RAMACL: variants seen among roughly 807,000 people sequenced by gnomAD.
RAMACL encodes RNA guanine-7 methyltransferase activating subunit like.
In RAMACL, 9 loss-of-function variants were observed where a neutral mutation model predicts 13.4. That is an observed-to-expected ratio of 0.67 (90% CI 0.41 to 1.17). The LOEUF is 1.17. Among genes scored for constraint, RAMACL ranks in the 50% most tolerant of loss-of-function variants. RAMACL has a pLI of 0.01. For synonymous variants in RAMACL, 39 were observed against 49.3 expected, an observed-to-expected ratio of 0.79 and a Z score of 0.88; for missense variants, 124 against 141.6, an observed-to-expected ratio of 0.88 and a Z score of 0.63.
downstream of RAMACL, among the ~76,000 whole-genome samples, chr6:166,585,069 G>C (rs1408581882): frequency 6.9e-6 from 1 of 145,316 alleles, no homozygotes; most frequent in African/African-American, 2.9e-5. Context: ...GAGCACACGT[G>C]TGGTGACGAT....
chr6:166,583,014 C>G (rs537990225), downstream of RAMACL, among the ~76,000 whole-genome samples: 9 of 152,166 alleles, frequency 5.9e-5, no homozygotes, highest in Non-Finnish European at 1.2e-4. Context: ...TTGACTTGGT[C>G]GTTGACTGCT....
At chr6:166,584,772 G>C (rs1785117628), downstream of RAMACL, among the ~76,000 whole-genome samples, 1 of 152,234 alleles carries the variant, frequency 6.6e-6, no homozygotes, top group African/African-American at 2.4e-5. Flanking sequence ...GAGGAGCTGT[G>C]AGCTCAGAAA....
downstream of RAMACL, among the ~76,000 whole-genome samples, chr6:166,584,583 G>T (rs1485627535): frequency 6.6e-6 from 1 of 152,148 alleles, no homozygotes; most frequent in South Asian, 2.1e-4. Flanking sequence ...AAAAATGCCT[G>T]GGCATTCTGG....
At chr6:166,584,870 G>A (rs1785119955), downstream of RAMACL, among the ~76,000 whole-genome samples, 1 of 152,204 alleles carries the variant, frequency 6.6e-6, no homozygotes, top group Admixed American at 6.5e-5. Flanking sequence ...GAAACATTTG[G>A]TGGAACTCAG....
At position 166,586,530 on chromosome 6, in the gene RAMACL, T is replaced by A; in HGVS notation, c.-53A>T. 3 of 1,537,146 alleles carry A rather than the reference T, an allele frequency of 2.0e-6. No homozygotes were observed. The South Asian group carries it at 3.5e-5, about 18-fold the overall frequency. On this transcript the variant is annotated 5_prime_UTR_variant, in exon 1 of 1. Coordinates refer to ENST00000444122, the Ensembl canonical transcript of RAMACL. ...CTGTATTGCTTAATGTTTAGGTTGT[T>A]TAAATCCGCCAAGGGCTATGTCTAT...
chr6:166,586,398 T>C (rs1401740008), exon 1 of RAMACL: 10 of 1,600,088 alleles, frequency 6.2e-6, no homozygotes, highest in Non-Finnish European at 8.5e-6. Flanking sequence ...CAGGTATTCC[T>C]GATACTCCTT....
chr6:166,584,052 T>C (rs763190159), downstream of RAMACL, among the ~76,000 whole-genome samples: 19 of 152,230 alleles, frequency 1.2e-4, no homozygotes, highest in Non-Finnish European at 2.1e-4. Flanking sequence ...AATGCCTTGG[T>C]GTGTTTTGCT....
exon 1 of RAMACL, chr6:166,586,099 C>T (rs13204493): frequency 1.5e-6 from 2 of 1,313,180 alleles, no homozygotes; most frequent in Non-Finnish European, 1.0e-6. Flanking sequence ...AATGCTTTTA[C>T]TAAAAGCTGC....
chr6:166,585,167 G>A, downstream of RAMACL, among the ~76,000 whole-genome samples: 1 of 152,196 alleles, frequency 6.6e-6, no homozygotes, highest in Non-Finnish European at 1.5e-5. Context: ...AGAATGCCCT[G>A]AAATACATGA....
downstream of RAMACL, among the ~76,000 whole-genome samples, chr6:166,585,519 T>TC (rs398003318): frequency 2.4e-5 from 3 of 124,838 alleles, no homozygotes; most frequent in Admixed American, 7.4e-5. Context: ...TTTTTTTTTT[T>TC]CCTTATTTTA....
chr6:166,585,593 T>C (rs1239804119), downstream of RAMACL, among the ~76,000 whole-genome samples: 2 of 91,538 alleles, frequency 2.2e-5, no homozygotes, highest in Non-Finnish European at 3.7e-5. Flanking sequence ...ATCTATAGAT[T>C]AAGGAATCAC....
chr6:166,586,512 G>C, exon 1 of RAMACL: 1 of 1,574,974 alleles, frequency 6.3e-7, no homozygotes, highest in South Asian at 1.1e-5. Flanking sequence ...CAGCTGTATT[G>C]CTTAATGTTT....
chr6:166,584,683 T>C (rs1020761490), downstream of RAMACL, among the ~76,000 whole-genome samples: 1 of 152,222 alleles, frequency 6.6e-6, no homozygotes, highest in African/African-American at 2.4e-5. Flanking sequence ...TTGCACTTTA[T>C]TTTATAGTAA....
chr6:166,586,572 C>T (rs572089533), exon 1 of RAMACL: 1 of 1,221,488 alleles, frequency 8.2e-7, no homozygotes, highest in South Asian at 1.4e-5. Context: ...CAGGCCGAAC[C>T]CCGCCGGCGA....
downstream of RAMACL, among the ~76,000 whole-genome samples, chr6:166,583,181 A>C (rs556285916): frequency 3.9e-5 from 6 of 152,236 alleles, no homozygotes; most frequent in Non-Finnish European, 8.8e-5. Context: ...TCCTAGAAAC[A>C]ACCAAATTGC....
At chr6:166,585,022 C>T (rs889535189), downstream of RAMACL, among the ~76,000 whole-genome samples, 3 of 152,204 alleles carry the variant, frequency 2.0e-5, no homozygotes, top group East Asian at 1.9e-4. Context: ...TGAGAAAACC[C>T]GAGAGCTTCT....
chr6:166,586,424 T>C, exon 1 of RAMACL: 7 of 1,599,998 alleles, frequency 4.4e-6, no homozygotes, highest in Non-Finnish European at 5.9e-6. Context: ...TTTCTGTGAA[T>C]CTACTAGCAA....
downstream of RAMACL, among the ~76,000 whole-genome samples, chr6:166,585,342 T>C (rs988345797): frequency 6.6e-6 from 1 of 152,250 alleles, no homozygotes; most frequent in African/African-American, 2.4e-5. Flanking sequence ...CGAGGATTGC[T>C]GACATGTCTG....
exon 1 of RAMACL, chr6:166,586,300 C>A: frequency 1.3e-6 from 2 of 1,598,818 alleles, no homozygotes; most frequent in Non-Finnish European, 1.7e-6. Flanking sequence ...TGTCTGTTGT[C>A]TTGCAACCGA....
Sources: allele counts gnomAD v4.1 joint callset (sites outside exome capture counted in the v4.1 genomes callset), GRCh38; gene constraint gnomAD v4.1.1; transcripts MANE v1.5; gene names NCBI Gene and HGNC (gene_info 2026-07-23, HGNC 2026-07-21).